The following ZFHX3 variants were observed in gnomAD, a reference collection of about 807,000 sequenced individuals.
ZFHX3 encodes the protein zinc finger homeobox protein 3.
Under a neutral mutation model 279.1 loss-of-function variants are expected in ZFHX3, and 42 were observed. The observed-to-expected ratio is 0.15, with a 90% CI of 0.12 to 0.19. The LOEUF is 0.19. Ranked by LOEUF, ZFHX3 falls within the 10% of genes least tolerant of loss-of-function variation. The probability of loss-of-function intolerance (pLI) is 1.00; values close to 1 mark genes in which losing one functional copy is unlikely to be tolerated. For missense variants in ZFHX3, 4,981 were observed against 4,754.0 expected (o/e 1.05, Z -1.40); for synonymous variants, 2,293 against 1,957.8 (o/e 1.17, Z -4.52).
At chr16:73,836,442 T>C (rs2142363947) in intron 1 of ZFHX3, among the ~76,000 whole-genome samples, 1 of 152,242 alleles carries the variant, frequency 6.6e-6, no homozygotes, top group South Asian at 2.1e-4. Context: ...GAAGGAAACT[T>C]TAAAAATGGG....
intron 2 of ZFHX3, among the ~76,000 whole-genome samples, chr16:73,605,955 C>T (rs886345750): frequency 4.6e-5 from 7 of 151,544 alleles, no homozygotes; most frequent in African/African-American, 7.3e-5. Context: ...GAGACCGAGG[C>T]GGGCGGATCA....
chr16:73,536,855 G>C (rs1294808307), intron 2 of ZFHX3, among the ~76,000 whole-genome samples: 1 of 152,090 alleles, frequency 6.6e-6, no homozygotes, highest in African/African-American at 2.4e-5. Flanking sequence ...TACATGGTAG[G>C]CACACATTTA....
chr16:73,478,368 C>T (rs767416322), intron 2 of ZFHX3, among the ~76,000 whole-genome samples: 5 of 151,974 alleles, frequency 3.3e-5, no homozygotes, highest in East Asian at 1.9e-4. Context: ...GTCTGATGCT[C>T]TACCAACTGA....
At chr16:73,679,173 A>T (rs1009576695) in intron 2 of ZFHX3, among the ~76,000 whole-genome samples, 4 of 151,876 alleles carry the variant, frequency 2.6e-5, no homozygotes, top group Non-Finnish European at 4.4e-5. Flanking sequence ...AAAATATTTT[A>T]TCAAGGCATT....
intron 5 of ZFHX3, among the ~76,000 whole-genome samples, chr16:73,169,168 G>T (rs907918817): frequency 2.6e-5 from 4 of 152,124 alleles, no homozygotes; most frequent in South Asian, 2.1e-4. Flanking sequence ...ACCTTCATTT[G>T]TTCAATGCAT....
At chr16:73,766,243 G>C (rs1481060565) in intron 1 of ZFHX3, among the ~76,000 whole-genome samples, 1 of 152,078 alleles carries the variant, frequency 6.6e-6, no homozygotes, top group African/African-American at 2.4e-5. Context: ...ACTTTTCTTA[G>C]GTAATGTAAC....
chr16:72,814,791 G>A (rs1017258664), intron 5 of ZFHX3, among the ~76,000 whole-genome samples: 2 of 152,146 alleles, frequency 1.3e-5, no homozygotes, highest in East Asian at 1.9e-4. Context: ...ATCCACTGGT[G>A]CACAAACTTC....
intron 1 of ZFHX3, among the ~76,000 whole-genome samples, chr16:73,840,496 A>G (rs183197187): frequency 2.0e-5 from 3 of 152,330 alleles, no homozygotes; most frequent in Admixed American, 2.0e-4. Context: ...ATCCTCAGGA[A>G]TTGGCTGGCA....
At chr16:72,911,579 G>A (rs775085265) in intron 3 of ZFHX3, among the ~76,000 whole-genome samples, 3 of 152,130 alleles carry the variant, frequency 2.0e-5, no homozygotes, top group Non-Finnish European at 2.9e-5. Context: ...GACCCTCCGC[G>A]GATAACCCAG....
At chr16:73,004,521 C>T (rs959241893) in intron 1 of ZFHX3, among the ~76,000 whole-genome samples, 1 of 151,624 alleles carries the variant, frequency 6.6e-6, no homozygotes, top group African/African-American at 2.4e-5. Flanking sequence ...CCCATGTTGG[C>T]CAGGCTGTTC....
intron 3 of ZFHX3, among the ~76,000 whole-genome samples, chr16:73,363,114 G>A (rs1031314302): frequency 1.3e-5 from 2 of 152,170 alleles, no homozygotes; most frequent in Non-Finnish European, 2.9e-5. Context: ...CAGGCCACAC[G>A]GAATAGAATT....
chr16:73,759,592 T>C (rs1225851713), intron 1 of ZFHX3, among the ~76,000 whole-genome samples: 2 of 152,242 alleles, frequency 1.3e-5, no homozygotes, highest in Non-Finnish European at 1.5e-5. Context: ...GAGGCAGAAA[T>C]AGAAACTATT....
At chr16:72,934,389 T>C (rs1029898501) in intron 3 of ZFHX3, among the ~76,000 whole-genome samples, 5 of 152,148 alleles carry the variant, frequency 3.3e-5, no homozygotes, top group Admixed American at 6.5e-5. Flanking sequence ...GATCACACCA[T>C]TGCATTCCTG....
chr16:72,922,338 C>T (rs748519787), intron 3 of ZFHX3, among the ~76,000 whole-genome samples: 5 of 152,186 alleles, frequency 3.3e-5, no homozygotes, highest in Admixed American at 1.3e-4. Context: ...CGCATTAGGA[C>T]GGTGAGGCCC....
intron 7 of ZFHX3, among the ~76,000 whole-genome samples, chr16:73,108,095 A>G (rs1330027693): frequency 2.0e-5 from 3 of 152,176 alleles, no homozygotes; most frequent in Admixed American, 2.0e-4. Context: ...CAGGAGGCAG[A>G]GCTTGCAGTG....
At chr16:73,833,637 G>T (rs965761827) in intron 1 of ZFHX3, among the ~76,000 whole-genome samples, 1 of 151,808 alleles carries the variant, frequency 6.6e-6, no homozygotes, top group African/African-American at 2.4e-5. Context: ...ATAGCATTAG[G>T]AGAAATACCT....
intron 1 of ZFHX3, among the ~76,000 whole-genome samples, chr16:73,046,820 G>C (rs572284170): frequency 6.6e-6 from 1 of 151,356 alleles, no homozygotes; most frequent in Non-Finnish European, 1.5e-5. Context: ...TCTGTGCCCA[G>C]GCAGAGCCAT....
At chr16:73,204,820 T>A (rs1323766003) in intron 5 of ZFHX3, among the ~76,000 whole-genome samples, 1 of 152,216 alleles carries the variant, frequency 6.6e-6, no homozygotes, top group African/African-American at 2.4e-5. Context: ...AGCAGGGTAG[T>A]CACGGCTTTC....
chr16:73,241,353 T>A (rs1177174241), intron 5 of ZFHX3, among the ~76,000 whole-genome samples: 1 of 152,194 alleles, frequency 6.6e-6, no homozygotes, highest in African/African-American at 2.4e-5. Flanking sequence ...GATACAGAAT[T>A]CTAAAACGCA....
Sources: allele counts gnomAD v4.1 joint callset (sites outside exome capture counted in the v4.1 genomes callset), GRCh38; gene constraint gnomAD v4.1.1; transcripts MANE v1.5; gene names NCBI Gene and HGNC (gene_info 2026-07-23, HGNC 2026-07-21).